Variants in DMD observed in about 807,000 individuals in gnomAD.
DMD encodes the protein dystrophin, also known as mutant dystrophin.
In DMD, 63 loss-of-function variants were observed where a neutral mutation model predicts 330.1. The observed-to-expected ratio is 0.19, with a 90% CI of 0.16 to 0.24. The LOEUF (loss-of-function observed/expected upper bound fraction) is 0.24. Among genes scored for constraint, DMD ranks in the 10% least tolerant of loss-of-function variants. The pLI, the probability that DMD is intolerant of heterozygous loss-of-function variation, is 1.00. For missense variants in DMD, 3,344 were observed against 2,684.1 expected (o/e 1.25, Z -5.43); for synonymous variants, 1,223 against 959.8 (o/e 1.27, Z -5.07).
intron 11 of DMD, among the ~76,000 whole-genome samples, chrX:32,640,170 G>A (rs1336817542): frequency 9.2e-6 from 1 of 108,739 alleles, no homozygotes; most frequent in African/African-American, 3.3e-5. Flanking sequence ...GACATGGTAT[G>A]GTAAAATAGT....
At chrX:32,616,128 A>G (rs1355959389) in intron 11 of DMD, among the ~76,000 whole-genome samples, 2 of 111,010 alleles carry the variant, frequency 1.8e-5, no homozygotes, top group African/African-American at 6.5e-5. Flanking sequence ...GTAATGGGCC[A>G]TTTTAAGCAC....
At chrX:32,026,202 G>T (rs1014626823) in intron 44 of DMD, among the ~76,000 whole-genome samples, 4 of 111,930 alleles carry the variant, frequency 3.6e-5, no homozygotes, top group African/African-American at 9.7e-5. Flanking sequence ...TTGATAAAAT[G>T]TTGCCTCATC....
chrX:33,111,767 C>A (rs147828841), intron 1 of DMD, among the ~76,000 whole-genome samples: 2 of 110,337 alleles, frequency 1.8e-5, no homozygotes, highest in Non-Finnish European at 3.8e-5. Context: ...CCACCACGCC[C>A]GGCTGATTTT....
At chrX:33,312,419 G>A (rs2148948732) in intron 1 of DMD, among the ~76,000 whole-genome samples, 1 of 111,281 alleles carries the variant, frequency 9.0e-6, no homozygotes, top group African/African-American at 3.3e-5. Flanking sequence ...GTATATAGTT[G>A]GGAGCTGTAC....
chrX:32,802,937 T>C (rs1336895205), intron 7 of DMD, among the ~76,000 whole-genome samples: 3 of 111,609 alleles, frequency 2.7e-5, no homozygotes, highest in African/African-American at 9.8e-5. Flanking sequence ...ATTTTTTTTA[T>C]TGTGTCTCTG....
At chrX:33,323,161 C>A (rs1185975917) in intron 1 of DMD, among the ~76,000 whole-genome samples, 5 of 111,555 alleles carry the variant, frequency 4.5e-5, no homozygotes, top group Non-Finnish European at 9.4e-5. Flanking sequence ...TAACTGGCAA[C>A]CAACAGGTTA....
intron 44 of DMD, among the ~76,000 whole-genome samples, chrX:31,997,716 T>C (rs2095598219): frequency 9.0e-6 from 1 of 110,890 alleles, no homozygotes. Flanking sequence ...CTCAGTATTT[T>C]CAGGCATGGA....
chrX:32,434,195 A>G (rs2098250132), intron 29 of DMD, among the ~76,000 whole-genome samples: 2 of 112,209 alleles, frequency 1.8e-5, no homozygotes, highest in Admixed American at 1.9e-4. Context: ...AACATTAGGT[A>G]GGTGATATAA....
intron 44 of DMD, among the ~76,000 whole-genome samples, chrX:31,979,085 C>T (rs2095458088): frequency 8.9e-6 from 1 of 111,758 alleles, no homozygotes; most frequent in South Asian, 3.7e-4. Context: ...GACAAGGACT[C>T]ATTCTGTCAT....
chrX:32,595,968 C>A (rs980478414), intron 12 of DMD, 92 bp from the exon 13 acceptor site: 1 of 844,172 alleles, frequency 1.2e-6, no homozygotes, highest in South Asian at 2.1e-5. Flanking sequence ...TTTATTTCTG[C>A]TACATCTCAG....
At chrX:31,979,973 A>G (rs1411870230) in intron 44 of DMD, among the ~76,000 whole-genome samples, 1 of 112,395 alleles carries the variant, frequency 8.9e-6, no homozygotes, top group Non-Finnish European at 1.9e-5. Flanking sequence ...TCAGAGGAAT[A>G]TAAGTTAAAA....
chrX:33,184,812 C>A (rs2050177026), intron 1 of DMD, among the ~76,000 whole-genome samples: 1 of 104,887 alleles, frequency 9.5e-6, no homozygotes, highest in Non-Finnish European at 1.9e-5. Context: ...CAACCTCCAC[C>A]TCCTGGGTTC....
chrX:32,318,827 G>A (rs1388177693), intron 41 of DMD, among the ~76,000 whole-genome samples: 1 of 111,632 alleles, frequency 9.0e-6, no homozygotes, highest in Non-Finnish European at 1.9e-5. Flanking sequence ...AGGGCAGGCT[G>A]TCAGCGAAAA....
intron 41 of DMD, among the ~76,000 whole-genome samples, chrX:32,333,298 C>T (rs2097689941): frequency 9.0e-6 from 1 of 111,584 alleles, no homozygotes; most frequent in African/African-American, 3.2e-5. Context: ...TGCTAGTAAA[C>T]GGTTTCTGTG....
At chrX:32,659,492 G>T (rs2060807407) in intron 9 of DMD, among the ~76,000 whole-genome samples, 1 of 110,604 alleles carries the variant, frequency 9.0e-6, no homozygotes, top group Non-Finnish European at 1.9e-5. Flanking sequence ...GAGCTAATTA[G>T]GAAGACAATT....
chrX:32,063,171 T>C (rs776543677), intron 44 of DMD, among the ~76,000 whole-genome samples: 1 of 63,391 alleles, frequency 1.6e-5, no homozygotes, highest in African/African-American at 7.7e-5. Flanking sequence ...ACTCAAATAA[T>C]GTTTTAAGTA....
At chrX:31,193,655 G>C (rs933891053) in intron 67 of DMD, among the ~76,000 whole-genome samples, 1 of 111,764 alleles carries the variant, frequency 8.9e-6, no homozygotes, top group African/African-American at 3.3e-5. Context: ...AAAGGGAAAA[G>C]GATATTTTAC....
In DMD at chrX:32,303,078, T is replaced by C. The variant is rs190236702; in HGVS notation, c.6117+7004A>G. ...GTGGGTTCCCTGTCACACATTTTCATAAATGATTGTTTTAGATTCAGTATA... is the reference window on the plus strand; with the variant it reads ...GTGGGTTCCCTGTCACACATTTTCACAAATGATTGTTTTAGATTCAGTATA... On this transcript the variant is annotated intron_variant, in intron 42 of 78. Coordinates refer to ENST00000357033, the MANE Select transcript of DMD (RefSeq NM_004006.3). Among the ~76,000 whole-genome samples the C allele has an allele frequency of 2.7e-5, 3 of 111,990 alleles. No individual in the cohort carries two copies. The Admixed American group carries it at 2.8e-4, about 11-fold the overall frequency.
At chrX:31,186,376 T>C (rs747682003) in intron 67 of DMD, among the ~76,000 whole-genome samples, 1 of 112,025 alleles carries the variant, frequency 8.9e-6, no homozygotes, top group African/African-American at 3.2e-5. Context: ...TGGAGGCCAT[T>C]ATCCTTAGCA....
Sources: gnomAD v4.1 joint callset for allele counts (sites outside exome capture counted in the v4.1 genomes callset) on GRCh38, gnomAD v4.1.1 for gene constraint, MANE v1.5 for transcripts, NCBI Gene and HGNC (gene_info 2026-07-23, HGNC 2026-07-21) for gene names.